ANKS1A: variants seen among roughly 807,000 people sequenced by gnomAD.
The protein encoded by ANKS1A is ankyrin repeat and SAM domain-containing protein 1A.
Under a neutral mutation model 120.3 loss-of-function variants are expected in ANKS1A, and 55 were observed. That is an observed-to-expected ratio of 0.46 (90% CI 0.37 to 0.57). The LOEUF is 0.57. Among genes scored for constraint, ANKS1A ranks in the 20% least tolerant of loss-of-function variants. The pLI is 0.00. For missense variants in ANKS1A, 1,123 were observed against 1,480.3 expected (o/e 0.76, Z 3.96); for synonymous variants, 590 against 604.7 (o/e 0.98, Z 0.36).
chr6:34,944,275 CAA>C (rs145362168), intron 1 of ANKS1A, among the ~76,000 whole-genome samples: 3 of 138,432 alleles, frequency 2.2e-5, no homozygotes, highest in Admixed American at 7.2e-5. Flanking sequence ...GATGCCATCT[CAA>C]AAAAAAAAAA....
Position 35,087,269 on chromosome 6 carries a change from C to T in ANKS1A, c.3401+220C>T, listed in dbSNP as rs538485721. Among the ~76,000 whole-genome samples the T allele has an allele frequency of 3.9e-4, 60 of 152,334 alleles. 1 individual carries two copies. Among genetic ancestry groups the T allele is most frequent in the Non-Finnish European group, 5.4e-4 (37 of 68,030 alleles). On this transcript the variant is annotated intron_variant, in intron 23 of 23. Transcript: ENST00000360359. Reference sequence around the variant, plus strand: ...ACCACCACCGAACACTGTGAATTCTCCCCCTTGGGCTGAGGACAGCTTGAG... The same window carrying T: ...ACCACCACCGAACACTGTGAATTCTTCCCCTTGGGCTGAGGACAGCTTGAG...
At chr6:35,096,764 C>T in the ANKS1A span, among the ~76,000 whole-genome samples, 7 of 152,134 alleles carry the variant, frequency 4.6e-5, no homozygotes, top group African/African-American at 1.4e-4. Context: ...GATTCACAAA[C>T]GCTAAGGCAT....
At chr6:35,028,745 A>G (rs545636678) in intron 11 of ANKS1A, among the ~76,000 whole-genome samples, 83 of 152,302 alleles carry the variant, frequency 5.4e-4, no homozygotes, top group African/African-American at 1.9e-3. Flanking sequence ...TTTGAAAATC[A>G]TTCTAATTGA....
chr6:34,966,064 T>C (rs985573352), intron 1 of ANKS1A, among the ~76,000 whole-genome samples: 1 of 152,154 alleles, frequency 6.6e-6, no homozygotes, highest in Admixed American at 6.5e-5. Flanking sequence ...TTCTTCAATA[T>C]GGAAATGAGT....
intron 1 of ANKS1A, among the ~76,000 whole-genome samples, chr6:34,891,945 A>C (rs1468473735): frequency 6.6e-6 from 1 of 152,210 alleles, no homozygotes; most frequent in South Asian, 2.1e-4. Context: ...AGTTATTCTT[A>C]GTGCGCTCAC....
chr6:35,034,687 G>C (rs1001873930), intron 11 of ANKS1A, among the ~76,000 whole-genome samples: 1 of 152,202 alleles, frequency 6.6e-6, no homozygotes, highest in African/African-American at 2.4e-5. Flanking sequence ...TAAATTTTAT[G>C]TAATAAGGTA....
At chr6:35,041,423 G>A (rs1024430718) in intron 11 of ANKS1A, among the ~76,000 whole-genome samples, 1 of 152,176 alleles carries the variant, frequency 6.6e-6, no homozygotes, top group Non-Finnish European at 1.5e-5. Context: ...AAAGTGTAGA[G>A]GATTGCATGA....
Position 35,087,021 on chromosome 6 carries a change from C to T in ANKS1A, c.3373C>T (p.Pro1125Ser). 1 of 1,614,220 alleles carries T rather than the reference C, an allele frequency of 6.2e-7. No individual in the cohort carries two copies. The highest frequency in any genetic ancestry group is 8.5e-7 in the Non-Finnish European group (1 of 1,180,022). The change falls in exon 23 of 24, where the codon CCA (proline) becomes TCA (serine). Residue 1125 changes from proline (P) to serine (S), a missense_variant. Pro to Ser is a moderately conservative substitution (Grantham distance 74, BLOSUM62 -1). This residue lies in a region of ANKS1A where 904 missense variants were observed against 1,130.4 expected (regional missense o/e 0.80). Transcript: ENST00000360359. ...ASVSWVVDPK[P>S]DSKRSLSTN Reference sequence around the variant, plus strand: ...TGTCTCCTGGGTTGTGGACCCCAAACCAGACTCTAAGCGGAGCCTCAGCAC... The same window carrying T: ...TGTCTCCTGGGTTGTGGACCCCAAATCAGACTCTAAGCGGAGCCTCAGCAC...
intron 11 of ANKS1A, among the ~76,000 whole-genome samples, chr6:35,020,214 G>T (rs1338631720): frequency 6.6e-6 from 1 of 152,084 alleles, no homozygotes. Flanking sequence ...GCCAACTGTG[G>T]ATAGAAATAT....
intron 11 of ANKS1A, among the ~76,000 whole-genome samples, chr6:35,040,264 A>T (rs1468661797): frequency 6.6e-6 from 1 of 152,230 alleles, no homozygotes; most frequent in Non-Finnish European, 1.5e-5. Context: ...TAAACTATTT[A>T]GCCCCTCCGA....
intron 11 of ANKS1A, among the ~76,000 whole-genome samples, chr6:35,018,311 A>G (rs1204285099): frequency 3.9e-5 from 6 of 152,230 alleles, no homozygotes; most frequent in Non-Finnish European, 5.9e-5. Context: ...AGGGAGGGGC[A>G]CTTTCTAGAA....
In ANKS1A at chr6:35,003,024, A is replaced by C. The variant is rs566654625; in HGVS notation, c.1423+8602A>C. On this transcript the variant is annotated intron_variant, in intron 10 of 23. Transcript: ENST00000360359. The stretch of plus-strand genomic sequence containing the variant: ...CATAGAACCTACGCTAAGCTGCCTG[A>C]CCAGTGGACAGGTAGTTGTGTTATT... 5.1e-4 allele frequency among the ~76,000 whole-genome samples: 76 copies of C among 150,072 alleles called. No homozygotes were observed. The Middle Eastern group carries it at 0.01, about 20-fold the overall frequency.
At chr6:35,067,871 T>C (rs1776855858) in intron 13 of ANKS1A, among the ~76,000 whole-genome samples, 1 of 148,116 alleles carries the variant, frequency 6.8e-6, no homozygotes, top group Non-Finnish European at 1.5e-5. Context: ...CATTTTTCTT[T>C]GTACTTCATT....
rs760052929 is a variant in ANKS1A at position 34,889,456 on chromosome 6, G to A, written c.54G>A (p.Ala18=). 7 of 1,289,320 alleles carry A rather than the reference G, an allele frequency of 5.4e-6. No individual in the cohort carries two copies. Among genetic ancestry groups the A allele is most frequent in the South Asian group, 5.9e-5 (2 of 34,026 alleles). The allele number at this position is 1,289,320 out of a possible 1,614,324, so 79.9% of individuals were successfully genotyped here. A position where few individuals can be genotyped will look rare whatever the true frequency, so the allele number is the denominator to read the frequency against. The stretch of plus-strand genomic sequence containing the variant: ...CGGCCCGCACCGGGCACCTCCCGGC[G>A]GTGGAGAAGCTGCTGTCCGGGAAGC... ...LEAARTGHLP[A]VEKLLSGKRL... Residue 18 remains alanine, a synonymous_variant, in exon 1 of 24, where the codon GCG becomes GCA. Coordinates refer to ENST00000360359, the MANE Select transcript of ANKS1A (RefSeq NM_015245.3). The surrounding 1 kb of genome is among the most constrained non-coding windows in gnomAD (Gnocchi z 5.5).
intron 1 of ANKS1A, among the ~76,000 whole-genome samples, chr6:34,926,180 C>T (rs1768706582): frequency 6.6e-6 from 1 of 152,182 alleles, no homozygotes; most frequent in South Asian, 2.1e-4. Flanking sequence ...AGTAAAGAAG[C>T]TTTGACATTC....
At chr6:35,010,167 A>G (rs998336843) in intron 10 of ANKS1A, among the ~76,000 whole-genome samples, 7 of 152,120 alleles carry the variant, frequency 4.6e-5, no homozygotes, top group Non-Finnish European at 1.0e-4. Flanking sequence ...CCCTATCTCC[A>G]AAATAATAAT....
At chr6:35,056,131 C>T (rs1261326114) in intron 12 of ANKS1A, among the ~76,000 whole-genome samples, 1 of 152,200 alleles carries the variant, frequency 6.6e-6, no homozygotes, top group African/African-American at 2.4e-5. Context: ...AGCTGTGAGT[C>T]AGAAACAGCC....
In ANKS1A at chr6:35,060,990, C is replaced by T. The variant is rs1000657870; in HGVS notation, c.2184+737C>T. ...GAGGCATCTGCATGCGCCGGGCCTGCTTCCAGGAGCAGGCATTTGAGCCAA... is the reference window on the plus strand; with the variant it reads ...GAGGCATCTGCATGCGCCGGGCCTGTTTCCAGGAGCAGGCATTTGAGCCAA... On this transcript the variant is annotated intron_variant, in intron 13 of 23. Coordinates refer to ENST00000360359, the MANE Select transcript of ANKS1A (RefSeq NM_015245.3). The surrounding 1 kb of genome is among the most constrained non-coding windows in gnomAD (Gnocchi z 4.5). 6.6e-6 allele frequency among the ~76,000 whole-genome samples: 1 copy of T among 152,210 alleles called. No homozygotes were observed. Among genetic ancestry groups the T allele is most frequent in the African/African-American group, 2.4e-5 (1 of 41,458 alleles).
intron 1 of ANKS1A, among the ~76,000 whole-genome samples, chr6:34,936,672 CA>C (rs1229441335): frequency 1.3e-5 from 2 of 152,134 alleles, no homozygotes; most frequent in African/African-American, 4.8e-5. Flanking sequence ...GGCTCTAATA[CA>C]TGATAATGGC....
Sources: allele counts gnomAD v4.1 joint callset (sites outside exome capture counted in the v4.1 genomes callset), GRCh38; gene constraint gnomAD v4.1.1; regional missense constraint gnomAD v4.1.1; non-coding constraint Gnocchi (gnomAD v3.1); transcripts MANE v1.5; gene names NCBI Gene and HGNC (gene_info 2026-07-23, HGNC 2026-07-21).